The following ERBB2 variants were observed in gnomAD, a reference collection of about 807,000 sequenced individuals.
ERBB2 encodes erb-b2 receptor tyrosine kinase 2, also known as receptor tyrosine-protein kinase erbB-2.
Under a neutral mutation model 149.0 loss-of-function variants are expected in ERBB2, and 61 were observed. That is an observed-to-expected ratio of 0.41 (90% CI 0.33 to 0.51). ERBB2 has a LOEUF of 0.51. ERBB2 is among the 20% of genes least tolerant of loss of function. ERBB2 has a pLI of 0.25. For missense variants in ERBB2, 1,205 were observed against 1,655.1 expected, an observed-to-expected ratio of 0.73 and a Z score of 4.72; for synonymous variants, 633 against 678.8, an observed-to-expected ratio of 0.93 and a Z score of 1.05.
chr17:39,724,944 G>A (rs2145856204), intron 20 of ERBB2, 33 bp downstream of exon 20: 1 of 1,609,886 alleles, frequency 6.2e-7, no homozygotes, highest in Non-Finnish European at 8.5e-7. Context: ...GGTCTCTCCG[G>A]AGCAAACCCC....
Position 39,709,434 on chromosome 17 carries a change from A to C in ERBB2, c.556A>C (p.Thr186Pro). 6.2e-7 allele frequency: 1 copy of C among 1,613,912 alleles called. No individual in the cohort carries two copies. The highest frequency in any genetic ancestry group is 8.5e-7 in the Non-Finnish European group (1 of 1,179,964). Residue 186 changes from threonine to proline, a missense_variant, in exon 4 of 27, where the codon ACC (threonine) becomes CCC (proline). Coordinates refer to ENST00000269571, the MANE Select transcript of ERBB2 (RefSeq NM_004448.4). ...NNQLALTLID[T>P]NRSRACHPCS... ...CCAGCTGGCTCTCACACTGATAGAC[A>C]CCAACCGCTCTCGGGCCTGTAAGCC... is the stretch of plus-strand genomic sequence containing the variant.
At position 39,712,016 on chromosome 17, in the gene ERBB2, G is replaced by T. The variant is rs920411069; in HGVS notation, c.990G>T (p.Arg330=). The T allele has an allele frequency of 1.9e-6, 3 of 1,614,052 alleles. No homozygotes were observed. The highest frequency in any genetic ancestry group is 2.5e-6 in the Non-Finnish European group (3 of 1,180,008). Residue 330 remains arginine (R), a synonymous_variant, in exon 8 of 27, where the codon CGG becomes CGT. Coordinates refer to ENST00000269571, the MANE Select transcript of ERBB2 (RefSeq NM_004448.4). ...QEVTAEDGTQ[R]CEKCSKPCAR... Reference sequence around the variant, plus strand: ...TGACAGCAGAGGATGGAACACAGCGGTGTGAGAAGTGCAGCAAGCCCTGTG... The same window carrying T: ...TGACAGCAGAGGATGGAACACAGCGTTGTGAGAAGTGCAGCAAGCCCTGTG...
intron 3 of ERBB2, 199 bp from the exon 4 acceptor site, chr17:39,709,119 T>C (rs1229114631): frequency 3.2e-6 from 2 of 632,510 alleles, no homozygotes; most frequent in Non-Finnish European, 5.6e-6. Context: ...AACTCACTCC[T>C]CCCTGGCTCT....
chr17:39,714,741 A>G (rs1221116000), intron 9 of ERBB2, among the ~76,000 whole-genome samples: 1 of 150,386 alleles, frequency 6.6e-6, no homozygotes, highest in Non-Finnish European at 1.5e-5. Context: ...GTGTCTCCCT[A>G]GGCCACATTC....
rs2059590316 is a variant in ERBB2 at position 39,723,941 on chromosome 17, G to T, written c.2238G>T (p.Val746=). 1 of 1,613,964 alleles carries T rather than the reference G, an allele frequency of 6.2e-7. No homozygotes were observed. The change falls in exon 19 of 27, where the codon GTG becomes GTT. Residue 746 remains valine (V), a synonymous_variant. Transcript: ENST00000269571. This position sits in a 1 kb window ranked among gnomAD's most constrained non-coding sequence, Gnocchi z 6.2. ...TCTGGATCCCTGATGGGGAGAATGT[G>T]AAAATTCCAGTGGCCATCAAAGTGT... ...KGIWIPDGEN[V]KIPVAIKVLR...
chr17:39,707,905 A>C (rs1044803620), intron 2 of ERBB2: 6 of 160,184 alleles, frequency 3.7e-5, no homozygotes, highest in African/African-American at 1.2e-4. Context: ...AGGCTGAGGC[A>C]GGAGAATCAC....
At chr17:39,719,696 C>A in intron 15 of ERBB2, 91 bp from the exon 16 acceptor site, 1 of 1,326,232 alleles carries the variant, frequency 7.5e-7, no homozygotes, top group Non-Finnish European at 1.1e-6. Flanking sequence ...AATGACCCAG[C>A]CACACCCCTC....
intron 16 of ERBB2, chr17:39,720,284 G>A (rs953614925): frequency 6.0e-6 from 1 of 166,808 alleles, no homozygotes; most frequent in African/African-American, 2.4e-5. Flanking sequence ...GGTGCAAGGT[G>A]ACACTGGAGG....
chr17:39,705,513 G>T (rs886246001), intron 1 of ERBB2, among the ~76,000 whole-genome samples: 4 of 152,156 alleles, frequency 2.6e-5, no homozygotes, highest in African/African-American at 9.7e-5. Flanking sequence ...GAGTGGGGAG[G>T]CCTCCCTCAG....
rs767216520 is a variant in ERBB2 at position 39,717,354 on chromosome 17, A to T, written c.1772A>T (p.Lys591Met). The T allele has an allele frequency of 1.8e-5, 29 of 1,612,430 alleles. No homozygotes were observed. The highest frequency in any genetic ancestry group is 1.0e-4 in the Admixed American group (6 of 60,006). The change falls in exon 15 of 27, where the codon AAG becomes ATG. Residue 591 changes from lysine to methionine, a missense_variant. Physicochemically the swap from Lys to Met is moderately conservative, Grantham distance 95. Around this residue, in one of 6 missense-constraint regions of ERBB2, gnomAD observed 569 missense variants for 803.5 expected, o/e 0.71. Coordinates refer to ENST00000269571, the MANE Select transcript of ERBB2 (RefSeq NM_004448.4). ...CAGTGTGTGGCCTGTGCCCACTATA[A>T]GGACCCTCCCTTCTGCGTGGCCCGC... Reference protein sequence around the residue: ...ADQCVACAHYKDPPFCVARCP... With the variant: ...ADQCVACAHYMDPPFCVARCP...
chr17:39,698,550 C>T (rs369612610), upstream of ERBB2, among the ~76,000 whole-genome samples: 1 of 152,186 alleles, frequency 6.6e-6, no homozygotes, highest in African/African-American at 2.4e-5. Context: ...TGAGCCACCG[C>T]GACTGGCCAG....
Position 39,700,321 on chromosome 17 carries a change from G to A in ERBB2, c.73+10G>A. On this transcript the variant is annotated intron_variant, in intron 1 of 26. Transcript: ENST00000269571. Reference sequence around the variant, plus strand: ...GCCGCGAGCACCCAAGGTGGGTCTGGTGTGGGGAGGGGACGGAGCAGCGGC... The same window carrying A: ...GCCGCGAGCACCCAAGGTGGGTCTGATGTGGGGAGGGGACGGAGCAGCGGC... 2.9e-6 allele frequency: 4 copies of A among 1,386,538 alleles called. No individual in the cohort carries two copies. The highest frequency in any genetic ancestry group is 3.7e-6 in the Non-Finnish European group (4 of 1,070,758). The allele number at this position is 1,386,538 out of a possible 1,614,324, so 85.9% of individuals were successfully genotyped here.
chr17:39,692,568 G>T (rs544182296), upstream of ERBB2, among the ~76,000 whole-genome samples: 1 of 151,998 alleles, frequency 6.6e-6, no homozygotes, highest in South Asian at 2.1e-4. Context: ...TCCACGCCTG[G>T]CTAATTTTGT....
At chr17:39,697,302 A>AACTC (rs897745417), upstream of ERBB2, among the ~76,000 whole-genome samples, 5 of 151,848 alleles carry the variant, frequency 3.3e-5, no homozygotes, top group Non-Finnish European at 7.4e-5. Context: ...ACCTGTACAA[A>AACTC]ACTCCACCTT....
Position 39,725,569 on chromosome 17 carries a change from G to T in ERBB2, c.2726-138G>T. The stretch of plus-strand genomic sequence containing the variant: ...TGTGCACTTCCCAGGATTAGGGAAA[G>T]ACCGGGTAGGGTCTGTCTCCTGGCA... On this transcript the variant is annotated intron_variant, in intron 22 of 26. Coordinates refer to ENST00000269571, the MANE Select transcript of ERBB2 (RefSeq NM_004448.4). The surrounding 1 kb of genome is among the most constrained non-coding windows in gnomAD (Gnocchi z 4.6). 2 of 1,216,772 alleles carry T rather than the reference G, an allele frequency of 1.6e-6. No individual in the cohort carries two copies. Among genetic ancestry groups the T allele is most frequent in the East Asian group, 2.4e-5 (1 of 41,320 alleles). The allele number at this position is 1,216,772 out of a possible 1,614,324, so 75.4% of individuals were successfully genotyped here. A position where few individuals can be genotyped will look rare whatever the true frequency, so the allele number is the denominator to read the frequency against.
chr17:39,698,669 C>A (rs2145247427), upstream of ERBB2, among the ~76,000 whole-genome samples: 1 of 152,214 alleles, frequency 6.6e-6, no homozygotes, highest in Non-Finnish European at 1.5e-5. Flanking sequence ...TAAGTGTGCT[C>A]AGCACATGGA....
intron 3 of ERBB2, 25 bp from the exon 4 acceptor site, chr17:39,709,293 C>T (rs2145468160): frequency 6.2e-7 from 1 of 1,613,712 alleles, no homozygotes; most frequent in Non-Finnish European, 8.5e-7. Flanking sequence ...GGGAAAGGGT[C>T]CTCTGATCAT....
At chr17:39,722,183 C>T (rs2059490010) in intron 16 of ERBB2, among the ~76,000 whole-genome samples, 1 of 152,086 alleles carries the variant, frequency 6.6e-6, no homozygotes, top group South Asian at 2.1e-4. Context: ...CTCAAGCCAC[C>T]ATGCCCAGCC....
In ERBB2 at chr17:39,711,910, T is replaced by C; in HGVS notation, c.902-18T>C. 1 of 1,613,942 alleles carries C rather than the reference T, an allele frequency of 6.2e-7. No individual in the cohort carries two copies. The highest frequency in any genetic ancestry group is 1.3e-5 in the African/African-American group (1 of 75,048). ...CGAAGGGCCAGGGTATGTGGCTACA[T>C]GTTCCTGATCTCCTTAGACAACTAC... On this transcript the variant is annotated intron_variant, in intron 7 of 26. Transcript: ENST00000269571.
Sources: allele counts gnomAD v4.1 joint callset (sites outside exome capture counted in the v4.1 genomes callset), GRCh38; gene constraint gnomAD v4.1.1; regional missense constraint gnomAD v4.1.1; non-coding constraint Gnocchi (gnomAD v3.1); transcripts MANE v1.5; gene names NCBI Gene and HGNC (gene_info 2026-07-23, HGNC 2026-07-21).